Variants in ZDHHC7 observed in about 807,000 individuals in gnomAD.
The protein encoded by ZDHHC7 is zDHHC palmitoyltransferase 7, also known as palmitoyltransferase ZDHHC7.
ZDHHC7 carries 12 observed loss-of-function variants against 34.1 expected under a neutral mutation model. That is an observed-to-expected ratio of 0.35 (90% CI 0.23 to 0.57). The LOEUF (loss-of-function observed/expected upper bound fraction) is 0.57. Among genes scored for constraint, ZDHHC7 ranks in the 20% least tolerant of loss-of-function variants. The pLI, the probability that ZDHHC7 is intolerant of heterozygous loss-of-function variation, is 0.84. For missense variants in ZDHHC7, 388 were observed against 402.7 expected (o/e 0.96, Z 0.31); for synonymous variants, 185 against 155.4 (o/e 1.19, Z -1.42).
the ZDHHC7 span, among the ~76,000 whole-genome samples, chr16:85,024,026 T>C: frequency 6.6e-6 from 1 of 152,080 alleles, no homozygotes; most frequent in Non-Finnish European, 1.5e-5. Flanking sequence ...CAAGCAATTC[T>C]CCAGCCTCAG....
intron 6 of ZDHHC7, among the ~76,000 whole-genome samples, chr16:84,977,710 TAGCTGACC>T (rs2072316275): frequency 1.3e-5 from 2 of 152,204 alleles, no homozygotes; most frequent in Admixed American, 6.5e-5. Context: ...AATGGCGAGC[TAGCTGACC>T]AGCAGACAGA....
intron 2 of ZDHHC7, among the ~76,000 whole-genome samples, chr16:84,993,207 C>T (rs1050371427): frequency 6.6e-6 from 1 of 151,662 alleles, no homozygotes; most frequent in Admixed American, 6.6e-5. Context: ...TATAGTCCCC[C>T]CTACTAGGGA....
intron 3 of ZDHHC7, among the ~76,000 whole-genome samples, chr16:84,985,552 C>T (rs2143602250): frequency 6.6e-6 from 1 of 152,262 alleles, no homozygotes; most frequent in Admixed American, 6.5e-5. Context: ...GAAAAAAAGA[C>T]ATTGCAGGGA....
intron 3 of ZDHHC7, chr16:84,988,702 G>C: frequency 6.9e-7 from 1 of 1,452,508 alleles, no homozygotes; most frequent in Non-Finnish European, 9.4e-7. Flanking sequence ...GCAAAGAGGA[G>C]CAAACTGCTG....
At chr16:84,979,347 C>T in intron 4 of ZDHHC7, 62 bp from the exon 5 acceptor site, 1 of 1,555,600 alleles carries the variant, frequency 6.4e-7, no homozygotes, top group Non-Finnish European at 8.6e-7. Context: ...GTAACACAAC[C>T]AAATAAAATC....
intron 1 of ZDHHC7, among the ~76,000 whole-genome samples, chr16:84,996,622 A>C (rs550470114): frequency 1.2e-4 from 18 of 152,276 alleles, no homozygotes; most frequent in African/African-American, 3.4e-4. Flanking sequence ...ATGTAGGGAA[A>C]ACCCAACAAG....
intron 4 of ZDHHC7, among the ~76,000 whole-genome samples, chr16:84,980,488 G>T (rs1038248033): frequency 6.6e-6 from 1 of 151,906 alleles, no homozygotes; most frequent in South Asian, 2.1e-4. Context: ...TGGCCAATGT[G>T]GCAAAACCCC....
intron 3 of ZDHHC7, among the ~76,000 whole-genome samples, chr16:84,985,069 T>C (rs1255068182): frequency 1.3e-5 from 2 of 152,240 alleles, no homozygotes; most frequent in Non-Finnish European, 2.9e-5. Flanking sequence ...AAACACTTCT[T>C]GAATGTTTCC....
intron 3 of ZDHHC7, among the ~76,000 whole-genome samples, chr16:84,989,568 G>A (rs932364669): frequency 6.6e-6 from 1 of 151,854 alleles, no homozygotes; most frequent in African/African-American, 2.4e-5. Flanking sequence ...GGTGGTGCAT[G>A]CCTGTAATCC....
intron 3 of ZDHHC7, among the ~76,000 whole-genome samples, chr16:84,985,717 G>A (rs960802505): frequency 2.0e-5 from 3 of 152,080 alleles, no homozygotes; most frequent in Non-Finnish European, 4.4e-5. Context: ...AACTTTGGGA[G>A]GCCGAGGCAG....
chr16:85,017,363 G>C, the ZDHHC7 span, among the ~76,000 whole-genome samples: 1 of 152,038 alleles, frequency 6.6e-6, no homozygotes, highest in Non-Finnish European at 1.5e-5. Flanking sequence ...ACCACCAAGG[G>C]TTGGCCAAAC....
At chr16:85,017,843 G>A in the ZDHHC7 span, among the ~76,000 whole-genome samples, 4 of 152,274 alleles carry the variant, frequency 2.6e-5, no homozygotes, top group African/African-American at 9.6e-5. Context: ...AATGCGGGCG[G>A]ACTCAAAAGT....
At chr16:84,992,528 G>A (rs758785168) in intron 2 of ZDHHC7, among the ~76,000 whole-genome samples, 3 of 152,166 alleles carry the variant, frequency 2.0e-5, no homozygotes, top group Non-Finnish European at 4.4e-5. Flanking sequence ...CTGCTTCTTT[G>A]ATTGTACGCC....
intron 1 of ZDHHC7, among the ~76,000 whole-genome samples, chr16:85,006,138 A>T (rs2072714149): frequency 6.6e-6 from 1 of 152,162 alleles, no homozygotes; most frequent in Admixed American, 6.5e-5. Flanking sequence ...CAAAGGCAGG[A>T]GGAACACTTG....
In ZDHHC7 at chr16:84,993,389, T is replaced by C. The variant is rs150443837; in HGVS notation, c.-18+2533A>G. ...GCTTACACCTGTAATCTCAGCACTT[T>C]AGGAGGCCAAGGTGGGAGGATCTCT... On this transcript the variant is annotated intron_variant, in intron 2 of 7. Coordinates refer to ENST00000313732, the MANE Select transcript of ZDHHC7 (RefSeq NM_017740.3). 8.5e-3 allele frequency among the ~76,000 whole-genome samples: 1,287 copies of C among 152,210 alleles called. 10 individuals are homozygous for C. The highest frequency in any genetic ancestry group is 0.012 in the Non-Finnish European group (790 of 68,006).
chr16:84,988,902 C>G (rs748270022), intron 3 of ZDHHC7: 9 of 1,548,744 alleles, frequency 5.8e-6, no homozygotes, highest in Admixed American at 3.9e-5. Flanking sequence ...GTAAAAATCG[C>G]TGAGCTGGAC....
chr16:85,005,624 G>C (rs907633817), intron 1 of ZDHHC7, among the ~76,000 whole-genome samples: 12 of 152,190 alleles, frequency 7.9e-5, no homozygotes, highest in Non-Finnish European at 1.2e-4. Flanking sequence ...GTTTAAGAAA[G>C]TGCATTCTGT....
At chr16:84,990,257 C>CTGGT (rs769178780) in intron 3 of ZDHHC7, 47 bp downstream of exon 3, 13 of 1,592,942 alleles carry the variant, frequency 8.2e-6, no homozygotes, top group Admixed American at 1.7e-5. Flanking sequence ...CCCGAGGACA[C>CTGGT]TAGACCAGAC....
chr16:85,013,647 T>C (rs772004683), upstream of ZDHHC7, among the ~76,000 whole-genome samples: 1 of 152,204 alleles, frequency 6.6e-6, no homozygotes, highest in African/African-American at 2.4e-5. Flanking sequence ...GAGATGTACA[T>C]GTTAATAAAC....
Sources: gnomAD v4.1 joint callset for allele counts (sites outside exome capture counted in the v4.1 genomes callset) on GRCh38, gnomAD v4.1.1 for gene constraint, MANE v1.5 for transcripts, NCBI Gene and HGNC (gene_info 2026-07-23, HGNC 2026-07-21) for gene names.